Variants in PTPN6 observed in about 807,000 individuals in gnomAD.
The protein encoded by PTPN6 is tyrosine-protein phosphatase non-receptor type 6.
Under a neutral mutation model 81.5 loss-of-function variants are expected in PTPN6, and 18 were observed. The observed-to-expected ratio is 0.22, with a 90% CI of 0.15 to 0.33. PTPN6 has a LOEUF of 0.33. Among genes scored for constraint, PTPN6 ranks in the 10% least tolerant of loss-of-function variants. The probability of loss-of-function intolerance (pLI) is 1.00; values close to 1 mark genes in which losing one functional copy is unlikely to be tolerated. For missense variants in PTPN6, 500 were observed against 794.2 expected (o/e 0.63, Z 4.45); for synonymous variants, 301 against 310.9 (o/e 0.97, Z 0.33).
rs782737291 is a variant in PTPN6 at position 6,955,707 on chromosome 12, G to A, written c.795G>A (p.Gly265=). The part of the protein sequence containing the change: ...EVKNLHQRLE[G]QRPENKGKNR... Reference sequence around the variant, plus strand: ...AGAACTTGCACCAGCGTCTGGAAGGGCAGCGGCCAGAGAACAAGGGCAAGA... The same window carrying A: ...AGAACTTGCACCAGCGTCTGGAAGGACAGCGGCCAGAGAACAAGGGCAAGA... The change falls in exon 7 of 16, where the codon GGG becomes GGA. Residue 265 remains glycine, a synonymous_variant. Transcript: ENST00000318974. This position sits in a 1 kb window ranked among gnomAD's most constrained non-coding sequence, Gnocchi z 7.2. The A allele has an allele frequency of 6.2e-7, 1 of 1,613,882 alleles. No individual in the cohort carries two copies.
Position 6,951,540 on chromosome 12 carries a change from G to A in PTPN6, c.8+20G>A, listed in dbSNP as rs782765002. On this transcript the variant is annotated intron_variant, in intron 1 of 15. Transcript: ENST00000318974. The surrounding 1 kb of genome is among the most constrained non-coding windows in gnomAD (Gnocchi z 7.2). ...GGTGAGGTAAGGGCCTGCCACCCAC[G>A]GTAGACAGGAGGCAAGGGTGCCTGG... 3.8e-5 allele frequency: 62 copies of A among 1,613,828 alleles called. No individual in the cohort carries two copies. The highest frequency in any genetic ancestry group is 4.9e-5 in the Non-Finnish European group (58 of 1,179,978).
In PTPN6 at chr12:6,960,047, C is replaced by T. The variant is rs782714271; in HGVS notation, c.1430-41C>T. ...GGGGGGTGAGCAGCCCCTCGGTGTC[C>T]GCCTATGCCTGGACCTGAGGTTTGA... On this transcript the variant is annotated intron_variant, in intron 12 of 15. Coordinates refer to ENST00000318974, the MANE Select transcript of PTPN6 (RefSeq NM_002831.6). This position sits in a 1 kb window ranked among gnomAD's most constrained non-coding sequence, Gnocchi z 6.1. 35 of 1,612,928 alleles carry T rather than the reference C, an allele frequency of 2.2e-5. 1 individual carries two copies. The South Asian group carries it at 3.2e-4, about 15-fold the overall frequency.
At chr12:6,951,281 G>A (rs1555147658), upstream of PTPN6, 16 of 1,449,616 alleles carry the variant, frequency 1.1e-5, no homozygotes, top group Non-Finnish European at 1.4e-5. This position sits in a 1 kb window ranked among gnomAD's most constrained non-coding sequence, Gnocchi z 7.2. Context: ...GCTCTAAAAC[G>A]AGAAGTACAA....
chr12:6,956,864 C>T lies in PTPN6; in HGVS notation c.1074+296C>T, dbSNP rs1313009707. Among the ~76,000 whole-genome samples, 1 of 152,110 alleles carries T rather than the reference C, an allele frequency of 6.6e-6. No individual in the cohort carries two copies. The highest frequency in any genetic ancestry group is 2.4e-5 in the African/African-American group (1 of 41,394). ...CCTGTCCTCCCTGCCCCATAGATCT[C>T]TCTGGAGTCTGCCCCTTACCCTGCA... is the stretch of plus-strand genomic sequence containing the variant. On this transcript the variant is annotated intron_variant, in intron 9 of 15. Transcript: ENST00000318974. This position sits in a 1 kb window ranked among gnomAD's most constrained non-coding sequence, Gnocchi z 4.1.
Position 6,952,436 on chromosome 12 carries a change from G to T in PTPN6, c.326+259G>T. 1.8e-6 allele frequency: 1 copy of T among 556,638 alleles called. No homozygotes were observed. Among genetic ancestry groups the T allele is most frequent in the South Asian group, 2.0e-5 (1 of 49,592 alleles). The allele number at this position is 556,638 out of a possible 1,614,324, so 34.5% of individuals were successfully genotyped here. Reference sequence around the variant, plus strand: ...TCGCCCTACTCCGGGAGCCCTGGCCGCTGCAACCCAGGTCCCACTGGAGAC... The same window carrying T: ...TCGCCCTACTCCGGGAGCCCTGGCCTCTGCAACCCAGGTCCCACTGGAGAC... On this transcript the variant is annotated intron_variant, in intron 3 of 15. Transcript: ENST00000318974. This position sits in a 1 kb window ranked among gnomAD's most constrained non-coding sequence, Gnocchi z 8.1.
In PTPN6 at chr12:6,956,589, C is replaced by A. The variant is rs188786441; in HGVS notation, c.1074+21C>A. On this transcript the variant is annotated intron_variant, in intron 9 of 15. Transcript: ENST00000318974. This position sits in a 1 kb window ranked among gnomAD's most constrained non-coding sequence, Gnocchi z 4.1. ...GCCGGGTAGGGCGCCCCCCCTTCCC[C>A]GCATCCGCCCCCGTGCTTGTGGTCA... 3.1e-6 allele frequency: 5 copies of A among 1,612,956 alleles called. No homozygotes were observed. In the East Asian group the frequency reaches 1.1e-4, roughly 36 times the overall value.
upstream of PTPN6, among the ~76,000 whole-genome samples, chr12:6,951,059 G>T (rs782395572): frequency 2.0e-5 from 3 of 152,216 alleles, no homozygotes; most frequent in Non-Finnish European, 2.9e-5. This position sits in a 1 kb window ranked among gnomAD's most constrained non-coding sequence, Gnocchi z 7.2. Context: ...AGCAGCTGGT[G>T]GAGGAGGGAG....
Position 6,961,156 on chromosome 12 carries a change from C to A in PTPN6, c.*56C>A. 2.8e-6 allele frequency: 2 copies of A among 718,242 alleles called. No homozygotes were observed. Among genetic ancestry groups the A allele is most frequent in the East Asian group, 3.0e-5 (1 of 33,496 alleles). 44.5% of individuals were successfully genotyped at this position (718,242 alleles called of 1,614,324 possible). On this transcript the variant is annotated 3_prime_UTR_variant, in exon 16 of 16. Transcript: ENST00000318974. ...GCCCTGACCCTGTGGAAGCATTTCG[C>A]GATGGACAGACTCACAACCTGAACC...
upstream of PTPN6, chr12:6,946,869 C>T: frequency 9.7e-7 from 1 of 1,033,036 alleles, no homozygotes; most frequent in Admixed American, 2.0e-5. Context: ...TGTTTCCGGT[C>T]CCTATGAACT....
At position 6,955,440 on chromosome 12, in the gene PTPN6, G is replaced by C. The variant is rs1340881647; in HGVS notation, c.702G>C (p.Gln234His). 2 of 1,613,996 alleles carry C rather than the reference G, an allele frequency of 1.2e-6. No individual in the cohort carries two copies. The highest frequency in any genetic ancestry group is 1.3e-5 in the African/African-American group (1 of 74,904). ...GAGTGTTGGAACTGAACAAGAAGCA[G>C]GAGTCCGAGGATACAGCCAAGGCTG... ...ENRVLELNKK[Q>H]ESEDTAKAGF... Residue 234 changes from glutamine (Q) to histidine (H), a missense_variant, in exon 6 of 16, where the codon CAG becomes CAC. By Grantham distance (24) the Gln-to-His change is conservative (BLOSUM62 0). This residue lies in a region of PTPN6 where 96 missense variants were observed against 137.3 expected (regional missense o/e 0.70). Coordinates refer to ENST00000318974, the MANE Select transcript of PTPN6 (RefSeq NM_002831.6). This position sits in a 1 kb window ranked among gnomAD's most constrained non-coding sequence, Gnocchi z 7.2.
chr12:6,949,761 G>A (rs762858889), upstream of PTPN6, among the ~76,000 whole-genome samples: 8 of 151,480 alleles, frequency 5.3e-5, no homozygotes, highest in Non-Finnish European at 1.0e-4. Flanking sequence ...CCTTGTTTGC[G>A]CTTCCAGACT....
chr12:6,959,788 G>A lies in PTPN6; in HGVS notation c.1362-139G>A. On this transcript the variant is annotated intron_variant, in intron 11 of 15. Transcript: ENST00000318974. This position sits in a 1 kb window ranked among gnomAD's most constrained non-coding sequence, Gnocchi z 6.6. Reference sequence around the variant, plus strand: ...GCAAACCTCCATCATCACTTGCCCGGTGACCCTGGGCACATTCCCTCCCAT... The same window carrying A: ...GCAAACCTCCATCATCACTTGCCCGATGACCCTGGGCACATTCCCTCCCAT... 1 of 905,884 alleles carries A rather than the reference G, an allele frequency of 1.1e-6. No homozygotes were observed. The highest frequency in any genetic ancestry group is 1.4e-5 in the South Asian group (1 of 72,776). The allele number at this position is 905,884 out of a possible 1,614,324, so 56.1% of individuals were successfully genotyped here.
chr12:6,958,125 C>T (rs782743885), intron 11 of PTPN6, 52 bp downstream of exon 11: 5 of 1,596,916 alleles, frequency 3.1e-6, no homozygotes, highest in Non-Finnish European at 4.3e-6. Context: ...GTAAATACTG[C>T]TAAGTGCCAT....
At chr12:6,946,786 A>G (rs2138246706), upstream of PTPN6, 5 of 1,571,140 alleles carry the variant, frequency 3.2e-6, 1 homozygote, top group South Asian at 4.6e-5. Context: ...TTAGTTTTGG[A>G]GGGAGGGAGG....
chr12:6,960,863 G>A lies in PTPN6; in HGVS notation c.1731G>A (p.Val577=). 6.3e-7 allele frequency: 1 copy of A among 1,581,942 alleles called. No homozygotes were observed. The highest frequency in any genetic ancestry group is 8.6e-7 in the Non-Finnish European group (1 of 1,163,380). Reference sequence around the variant, plus strand: ...CTAAGAACAAGAGGGAGGAGAAAGTGAAGAAGCAGCGGTCAGCAGACAAGG... The same window carrying A: ...CTAAGAACAAGAGGGAGGAGAAAGTAAAGAAGCAGCGGTCAGCAGACAAGG... The part of the protein sequence containing the change: ...LHTKNKREEK[V]KKQRSADKEK... Residue 577 remains valine (V), a synonymous_variant, in exon 15 of 16, where the codon GTG becomes GTA. Transcript: ENST00000318974. The surrounding 1 kb of genome is among the most constrained non-coding windows in gnomAD (Gnocchi z 6.1).
Position 6,957,086 on chromosome 12 carries a change from G to A in PTPN6, c.1074+518G>A, listed in dbSNP as rs1306439123. Among the ~76,000 whole-genome samples, 1 of 152,298 alleles carries A rather than the reference G, an allele frequency of 6.6e-6. No individual in the cohort carries two copies. Among genetic ancestry groups the A allele is most frequent in the African/African-American group, 2.4e-5 (1 of 41,566 alleles). On this transcript the variant is annotated intron_variant, in intron 9 of 15. Transcript: ENST00000318974. The surrounding 1 kb of genome is among the most constrained non-coding windows in gnomAD (Gnocchi z 6.5). The stretch of plus-strand genomic sequence containing the variant: ...CGCACGCTTCTCTTGAAGGCTCACC[G>A]CCCCCAGCAGCCCCAGCTCTTTCAG...
Position 6,954,665 on chromosome 12 carries a change from A to C in PTPN6, c.327-140A>C. The stretch of plus-strand genomic sequence containing the variant: ...AGCATGTTTGTGAGAGACCTAAATG[A>C]GGTGGTGGATTTGGAAGCATGTAGC... On this transcript the variant is annotated intron_variant, in intron 3 of 15. Transcript: ENST00000318974. The surrounding 1 kb of genome is among the most constrained non-coding windows in gnomAD (Gnocchi z 5.4). 1 of 774,054 alleles carries C rather than the reference A, an allele frequency of 1.3e-6. No individual in the cohort carries two copies. The highest frequency in any genetic ancestry group is 1.6e-5 in the South Asian group (1 of 62,304). The allele number at this position is 774,054 out of a possible 1,614,324, so 47.9% of individuals were successfully genotyped here.
At position 6,960,494 on chromosome 12, in the gene PTPN6, C is replaced by G; in HGVS notation, c.1673+59C>G. On this transcript the variant is annotated intron_variant, in intron 14 of 15. Coordinates refer to ENST00000318974, the MANE Select transcript of PTPN6 (RefSeq NM_002831.6). This position sits in a 1 kb window ranked among gnomAD's most constrained non-coding sequence, Gnocchi z 6.1. ...ACCCCTTTGTCCTGCCCAGCCCGAT[C>G]CTCACTTTCTGGAGAGGACAAGTGT... The G allele has an allele frequency of 6.5e-7, 1 of 1,547,590 alleles. No homozygotes were observed. Among genetic ancestry groups the G allele is most frequent in the Non-Finnish European group, 8.9e-7 (1 of 1,127,530 alleles).
At position 6,951,490 on chromosome 12, in the gene PTPN6, C is replaced by T; in HGVS notation, c.-23C>T. ...TGCACCTCCTCATTCCCTGCGCCCC[C>T]TTCCTCTCCGGAAGCCCCCAGGATG... On this transcript the variant is annotated 5_prime_UTR_variant, in exon 1 of 16. Coordinates refer to ENST00000318974, the MANE Select transcript of PTPN6 (RefSeq NM_002831.6). This position sits in a 1 kb window ranked among gnomAD's most constrained non-coding sequence, Gnocchi z 7.2. 1.2e-6 allele frequency: 2 copies of T among 1,613,852 alleles called. No homozygotes were observed. The highest frequency in any genetic ancestry group is 1.7e-6 in the Non-Finnish European group (2 of 1,179,866).
Sources: allele counts gnomAD v4.1 joint callset (sites outside exome capture counted in the v4.1 genomes callset), GRCh38; gene constraint gnomAD v4.1.1; regional missense constraint gnomAD v4.1.1; non-coding constraint Gnocchi (gnomAD v3.1); transcripts MANE v1.5; gene names NCBI Gene and HGNC (gene_info 2026-07-23, HGNC 2026-07-21).